OPCML: variants seen among roughly 807,000 people sequenced by gnomAD.
OPCML encodes the protein opioid binding protein/cell adhesion molecule like, also known as opioid-binding protein/cell adhesion molecule.
OPCML carries 13 observed loss-of-function variants against 37.8 expected under a neutral mutation model. The ratio of observed to expected loss-of-function variants is 0.34; its 90% confidence interval spans 0.22 to 0.55. OPCML has a LOEUF of 0.55. Among genes scored for constraint, OPCML ranks in the 20% least tolerant of loss-of-function variants. The pLI is 0.91. For missense variants in OPCML, 341 were observed against 435.6 expected (o/e 0.78, Z 1.93); for synonymous variants, 176 against 168.8 (o/e 1.04, Z -0.33).
At chr11:132,764,459 T>C (rs1946370867) in intron 2 of OPCML, among the ~76,000 whole-genome samples, 1 of 152,160 alleles carries the variant, frequency 6.6e-6, no homozygotes. Context: ...GAAGACCTGG[T>C]TTTAGACGTT....
chr11:133,472,223 C>T (rs1399822388), intron 1 of OPCML, among the ~76,000 whole-genome samples: 1 of 152,124 alleles, frequency 6.6e-6, no homozygotes, highest in African/African-American at 2.4e-5. Flanking sequence ...ATGCCAGAAG[C>T]CGGGCCAAGC....
chr11:133,195,890 T>C (rs534565559), intron 1 of OPCML, among the ~76,000 whole-genome samples: 3 of 152,294 alleles, frequency 2.0e-5, no homozygotes, highest in Admixed American at 2.0e-4. Flanking sequence ...CCAACAATGG[T>C]CTTGAAAGGT....
At chr11:132,479,069 T>C (rs560579386) in intron 4 of OPCML, among the ~76,000 whole-genome samples, 15 of 152,056 alleles carry the variant, frequency 9.9e-5, no homozygotes, top group Non-Finnish European at 1.9e-4. Flanking sequence ...GGTCTACAGC[T>C]CCCAGCCTGA....
intron 1 of OPCML, among the ~76,000 whole-genome samples, chr11:133,510,077 T>C (rs2120613918): frequency 6.6e-6 from 1 of 152,228 alleles, no homozygotes; most frequent in Non-Finnish European, 1.5e-5. Context: ...ACTGCAGGTG[T>C]GCGTCTCTAC....
chr11:132,491,099 A>C (rs147488028), intron 4 of OPCML, among the ~76,000 whole-genome samples: 5 of 152,278 alleles, frequency 3.3e-5, no homozygotes, highest in African/African-American at 7.2e-5. Flanking sequence ...CACCACGTGT[A>C]TGCTCCCATG....
At chr11:132,497,130 G>A (rs1232636955) in intron 4 of OPCML, among the ~76,000 whole-genome samples, 1 of 152,156 alleles carries the variant, frequency 6.6e-6, no homozygotes, top group East Asian at 1.9e-4. Context: ...CCTCAGAAAC[G>A]AACTCAGAAA....
chr11:133,498,723 A>C (rs1022364744), intron 1 of OPCML, among the ~76,000 whole-genome samples: 1 of 152,232 alleles, frequency 6.6e-6, no homozygotes, highest in Non-Finnish European at 1.5e-5. Context: ...TCCACTTAAT[A>C]GGAAGGATAT....
At chr11:132,974,841 G>T (rs563698477) in intron 1 of OPCML, among the ~76,000 whole-genome samples, 77 of 151,634 alleles carry the variant, frequency 5.1e-4, no homozygotes, top group Non-Finnish European at 9.1e-4. Flanking sequence ...TTTTCTCTTT[G>T]TTTTCATTGC....
chr11:132,637,435 A>G (rs1030444082), intron 3 of OPCML, among the ~76,000 whole-genome samples: 20 of 152,098 alleles, frequency 1.3e-4, no homozygotes, highest in Non-Finnish European at 2.6e-4. Flanking sequence ...TCCATCTTTC[A>G]GTGGCCACAG....
chr11:132,940,251 C>T (rs1013503899), intron 2 of OPCML, among the ~76,000 whole-genome samples: 4 of 152,300 alleles, frequency 2.6e-5, no homozygotes, highest in African/African-American at 9.6e-5. Context: ...GGTTTCGTGA[C>T]TCCTTTGCTT....
chr11:133,053,767 A>G (rs1057214723), intron 1 of OPCML, among the ~76,000 whole-genome samples: 1 of 152,048 alleles, frequency 6.6e-6, no homozygotes, highest in South Asian at 2.1e-4. Flanking sequence ...GCCTCATCTC[A>G]CTGAGTTCGT....
intron 1 of OPCML, among the ~76,000 whole-genome samples, chr11:133,262,559 A>C (rs534729850): frequency 5.9e-5 from 9 of 152,318 alleles, no homozygotes; most frequent in Admixed American, 5.9e-4. Flanking sequence ...ACCTAAAATC[A>C]CACAGCAGTG....
At chr11:133,413,850 T>C (rs1345310237) in intron 1 of OPCML, among the ~76,000 whole-genome samples, 1 of 152,170 alleles carries the variant, frequency 6.6e-6, no homozygotes, top group East Asian at 1.9e-4. Context: ...CCCAGTCCAA[T>C]TGGCTGCCAG....
Position 133,296,447 on chromosome 11 carries a change from TACATTACAG to T in OPCML, c.61+235808_61+235816del, listed in dbSNP as rs1404082522. 6.6e-5 allele frequency among the ~76,000 whole-genome samples: 10 copies of T among 152,330 alleles called. No homozygotes were observed. In the East Asian group the frequency reaches 1.7e-3, roughly 26 times the overall value. On this transcript the variant is annotated intron_variant, in intron 1 of 7. Coordinates refer to ENST00000524381, the MANE Select transcript of OPCML (RefSeq NM_001012393.5). ...TGATTCTGGAAGCCCGCTCAACAAT[TACATTACAG>T]ACTCTGATCATAGAGGTGATAGAAC...
intron 1 of OPCML, chr11:133,421,221 G>A: frequency 1.0e-6 from 1 of 985,420 alleles, no homozygotes; most frequent in East Asian, 1.1e-4. Context: ...GTTCCAAGAA[G>A]CAAGATCAAA....
intron 2 of OPCML, among the ~76,000 whole-genome samples, chr11:132,666,309 G>T (rs1408588937): frequency 6.6e-6 from 1 of 152,066 alleles, no homozygotes; most frequent in Admixed American, 6.6e-5. Flanking sequence ...GGCAAGAGAG[G>T]GAGCAAGAAA....
At position 132,860,037 on chromosome 11, in the gene OPCML, A is replaced by T. The variant is rs1294018928; in HGVS notation, c.146+82889T>A. The T allele has an allele frequency of 3.9e-5, 6 of 152,356 alleles. No homozygotes were observed. In the East Asian group the frequency reaches 9.6e-4, roughly 24 times the overall value. The allele number at this position is 152,356 out of a possible 1,614,324, so 9.4% of individuals were successfully genotyped here. On this transcript the variant is annotated intron_variant, in intron 2 of 7. Transcript: ENST00000524381. Reference sequence around the variant, plus strand: ...CTGCACAAGGCTGACACACTAGGCCATTAGCTGACAGGCAGCACTTCATAA... The same window carrying T: ...CTGCACAAGGCTGACACACTAGGCCTTTAGCTGACAGGCAGCACTTCATAA...
chr11:132,469,834 G>A, intron 4 of OPCML, among the ~76,000 whole-genome samples: 1 of 131,252 alleles, frequency 7.6e-6, no homozygotes, highest in African/African-American at 2.8e-5. Flanking sequence ...TATGTGTGTG[G>A]GGGGCTGTAT....
At chr11:133,236,299 T>C (rs1411754306) in intron 1 of OPCML, among the ~76,000 whole-genome samples, 2 of 151,992 alleles carry the variant, frequency 1.3e-5, no homozygotes, top group African/African-American at 4.8e-5. Flanking sequence ...ATGTCTGGGG[T>C]TAGATGGCAC....
Sources: gnomAD v4.1 joint callset for allele counts (sites outside exome capture counted in the v4.1 genomes callset) on GRCh38, gnomAD v4.1.1 for gene constraint, MANE v1.5 for transcripts, NCBI Gene and HGNC (gene_info 2026-07-23, HGNC 2026-07-21) for gene names.